Variants in ADARB2 observed in about 807,000 individuals in gnomAD.
ADARB2 encodes adenosine deaminase RNA specific B2 (inactive).
ADARB2 carries 25 observed loss-of-function variants against 62.2 expected under a neutral mutation model. The ratio of observed to expected loss-of-function variants is 0.40; its 90% CI spans 0.29 to 0.56. ADARB2 has a LOEUF of 0.56. ADARB2 is among the 20% of genes least tolerant of loss of function. ADARB2 has a pLI of 0.43. For synonymous variants in ADARB2, 572 were observed against 500.8 expected (o/e 1.14, Z -1.90); for missense variants, 1,071 against 1,077.4 (o/e 0.99, Z 0.08).
Position 1,363,240 on chromosome 10 carries a change from C to A in ADARB2, c.865G>T (p.Gly289Trp). Residue 289 changes from glycine (G) to tryptophan (W), a missense_variant, in exon 3 of 10, where the codon GGG becomes TGG. Gly to Trp is a radical substitution (Grantham distance 184, BLOSUM62 -2). Transcript: ENST00000381312. Reference protein sequence around the residue: ...PVVLLNRLRAGLRYVCLAEPA... With the variant: ...PVVLLNRLRAWLRYVCLAEPA... The stretch of plus-strand genomic sequence containing the variant: ...TCTGCCAGACACACGTAGCGCAGCC[C>A]GGCGCGCAGGCGGTTCAGCAGCACC... The A allele has an allele frequency of 7.3e-7, 1 of 1,377,842 alleles. No individual in the cohort carries two copies. Among genetic ancestry groups the A allele is most frequent in the Non-Finnish European group, 9.4e-7 (1 of 1,062,254 alleles). The allele number at this position is 1,377,842 out of a possible 1,614,324, so 85.4% of individuals were successfully genotyped here.
chr10:1,356,137 A>G (rs1429333704), intron 3 of ADARB2, among the ~76,000 whole-genome samples: 1 of 152,158 alleles, frequency 6.6e-6, no homozygotes, highest in Non-Finnish European at 1.5e-5. Flanking sequence ...TCACAGACCC[A>G]GGACACGAAG....
intron 1 of ADARB2, among the ~76,000 whole-genome samples, chr10:1,540,862 G>C (rs1832414382): frequency 1.9e-5 from 1 of 53,768 alleles, no homozygotes; most frequent in Non-Finnish European, 3.8e-5. Flanking sequence ...ACCCCACTCA[G>C]ACGTAGTTCA....
chr10:1,591,905 A>C (rs760340980), intron 1 of ADARB2, among the ~76,000 whole-genome samples: 1 of 152,234 alleles, frequency 6.6e-6, no homozygotes, highest in Non-Finnish European at 1.5e-5. Flanking sequence ...TTGCCAGTTC[A>C]TCTTGGAAAA....
chr10:1,471,554 C>A (rs1399962526), intron 1 of ADARB2, among the ~76,000 whole-genome samples: 2 of 152,130 alleles, frequency 1.3e-5, no homozygotes, highest in Non-Finnish European at 2.9e-5. Flanking sequence ...CCATGCCTGG[C>A]TAATTTTTTT....
intron 1 of ADARB2, among the ~76,000 whole-genome samples, chr10:1,635,715 C>T (rs553583495): frequency 1.3e-5 from 2 of 152,198 alleles, no homozygotes; most frequent in African/African-American, 2.4e-5. Context: ...TAAATCATTA[C>T]TCAGTTACTC....
intron 3 of ADARB2, among the ~76,000 whole-genome samples, chr10:1,305,897 A>G (rs376830086): frequency 1.3e-5 from 2 of 150,692 alleles, no homozygotes; most frequent in Non-Finnish European, 3.0e-5. Flanking sequence ...TTGATGGGAC[A>G]TATTTCAAAA....
intron 1 of ADARB2, among the ~76,000 whole-genome samples, chr10:1,625,723 C>T (rs1233559767): frequency 6.6e-6 from 1 of 152,176 alleles, no homozygotes; most frequent in Non-Finnish European, 1.5e-5. Flanking sequence ...CTCCACAGAT[C>T]CAGCCCGTGG....
chr10:1,199,612 T>TGTGGGCGGCCAGGTGGGCAG (rs1294116819), intron 8 of ADARB2: 21 of 224,132 alleles, frequency 9.4e-5, no homozygotes, highest in Non-Finnish European at 1.5e-4. Flanking sequence ...CATCGCCTCC[T>TGTGGGCGGCCAGGTGGGCAG]GTGGGCGGCC....
intron 2 of ADARB2, among the ~76,000 whole-genome samples, chr10:1,369,206 C>T (rs911466846): frequency 3.6e-4 from 55 of 152,184 alleles, no homozygotes; most frequent in African/African-American, 1.3e-3. Context: ...CAACAGGTTT[C>T]TCACACTCAG....
chr10:1,628,013 G>T (rs569714325), intron 1 of ADARB2, among the ~76,000 whole-genome samples: 1 of 152,218 alleles, frequency 6.6e-6, no homozygotes, highest in South Asian at 2.1e-4. Flanking sequence ...GAAAACTGCC[G>T]GCTGATGTGG....
chr10:1,524,021 A>G (rs1223195689), intron 1 of ADARB2, among the ~76,000 whole-genome samples: 2 of 151,904 alleles, frequency 1.3e-5, no homozygotes, highest in African/African-American at 4.8e-5. Flanking sequence ...TAATTTATTC[A>G]GCACTTACTA....
chr10:1,211,636 GAAAC>G (rs1447649104), intron 7 of ADARB2, among the ~76,000 whole-genome samples: 6 of 152,170 alleles, frequency 3.9e-5, no homozygotes, highest in Admixed American at 3.9e-4. Context: ...TCGAAAGAAA[GAAAC>G]AATCACGTGT....
intron 1 of ADARB2, among the ~76,000 whole-genome samples, chr10:1,531,514 G>A (rs1269323652): frequency 1.3e-5 from 2 of 152,198 alleles, no homozygotes. Context: ...TGATAACTGT[G>A]CAGGCTGATC....
At chr10:1,262,831 C>T (rs933224691) in intron 4 of ADARB2, among the ~76,000 whole-genome samples, 1 of 152,118 alleles carries the variant, frequency 6.6e-6, no homozygotes, top group African/African-American at 2.4e-5. Flanking sequence ...CATATGCACA[C>T]ATATGTTTAT....
At chr10:1,437,767 G>A (rs758999622) in intron 1 of ADARB2, among the ~76,000 whole-genome samples, 4 of 152,172 alleles carry the variant, frequency 2.6e-5, no homozygotes, top group Non-Finnish European at 4.4e-5. Flanking sequence ...AGGCTGGAGC[G>A]AAGCTTCTTT....
intron 1 of ADARB2, among the ~76,000 whole-genome samples, chr10:1,668,817 TAAAAC>T (rs1834344093): frequency 6.6e-6 from 1 of 152,240 alleles, no homozygotes; most frequent in Non-Finnish European, 1.5e-5. Context: ...TCTTTCTAAA[TAAAAC>T]AGTCCTCCCG....
chr10:1,445,849 A>G (rs1219782791), intron 1 of ADARB2, among the ~76,000 whole-genome samples: 4 of 152,232 alleles, frequency 2.6e-5, no homozygotes, highest in South Asian at 2.1e-4. Context: ...CATACGGTTG[A>G]TGATTTGGAT....
At chr10:1,663,070 A>G (rs774856062) in intron 1 of ADARB2, among the ~76,000 whole-genome samples, 2 of 152,192 alleles carry the variant, frequency 1.3e-5, no homozygotes, top group Non-Finnish European at 2.9e-5. Flanking sequence ...TATTTGGTAA[A>G]CTCAGTTAAT....
intron 6 of ADARB2, among the ~76,000 whole-genome samples, chr10:1,227,181 T>C (rs538098948): frequency 4.5e-4 from 68 of 152,314 alleles, no homozygotes; most frequent in Non-Finnish European, 7.8e-4. Flanking sequence ...TCAGCGAGAC[T>C]CCGTGGGTGT....
Sources: gnomAD v4.1 joint callset for allele counts (sites outside exome capture counted in the v4.1 genomes callset) on GRCh38, gnomAD v4.1.1 for gene constraint, MANE v1.5 for transcripts, NCBI Gene and HGNC (gene_info 2026-07-23, HGNC 2026-07-21) for gene names.